Variants in UBE3B observed in about 807,000 individuals in gnomAD.
The protein encoded by UBE3B is ubiquitin-protein ligase E3B.
Under a neutral mutation model 132.3 loss-of-function variants are expected in UBE3B, and 80 were observed. The observed-to-expected ratio is 0.60, with a 90% CI of 0.50 to 0.73. UBE3B has a LOEUF of 0.73. Among genes scored for constraint, UBE3B ranks in the 30% least tolerant of loss-of-function variants. The pLI, the probability that UBE3B is intolerant of heterozygous loss-of-function variation, is 0.00. For synonymous variants in UBE3B, 487 were observed against 520.4 expected (o/e 0.94, Z 0.87); for missense variants, 1,196 against 1,362.5 (o/e 0.88, Z 1.92).
In UBE3B at chr12:109,522,812, C is replaced by T. The variant is rs529998058; in HGVS notation, c.2365-1166C>T. Among the ~76,000 whole-genome samples, 28 of 152,326 alleles carry T rather than the reference C, an allele frequency of 1.8e-4. No homozygotes were observed. The highest frequency in any genetic ancestry group is 5.3e-4 in the African/African-American group (22 of 41,572). On this transcript the variant is annotated intron_variant, in intron 21 of 27. Transcript: ENST00000342494. The surrounding 1 kb of genome is among the most constrained non-coding windows in gnomAD (Gnocchi z 4.2). ...GCCCTCCAGTGATTTGGGTCCTGGG[C>T]CCATTCTCTGTGCCTCTGTTTCCTC... is the stretch of plus-strand genomic sequence containing the variant.
chr12:109,491,124 T>TA lies in UBE3B; in HGVS notation c.711dup (p.Arg238ThrfsTer36). 2 of 1,614,034 alleles carry TA rather than the reference T, an allele frequency of 1.2e-6. No individual in the cohort carries two copies. Among genetic ancestry groups the TA allele is most frequent in the South Asian group, 1.1e-5 (1 of 91,052 alleles). On this transcript the variant is annotated frameshift_variant, in exon 9 of 28. Coordinates refer to ENST00000342494, the MANE Select transcript of UBE3B (RefSeq NM_130466.4). LOFTEE classifies it high-confidence loss of function. ...TTAACAGCAGCTTTTTCTCTAGCGT[T>TA]ACGGTGAGTAAGAAACCATAGCTGA...
the UBE3B span, among the ~76,000 whole-genome samples, chr12:109,546,947 C>T: frequency 4.6e-5 from 7 of 152,022 alleles, no homozygotes; most frequent in Non-Finnish European, 8.8e-5. Context: ...TGGGCTCAAG[C>T]GATCCTCCTG....
chr12:109,505,068 T>C (rs1879497331), intron 14 of UBE3B, among the ~76,000 whole-genome samples: 1 of 152,140 alleles, frequency 6.6e-6, no homozygotes, highest in African/African-American at 2.4e-5. Flanking sequence ...TGAGCTCACA[T>C]TGAAGCTCAT....
In UBE3B at chr12:109,498,222, ATTC is replaced by A. The variant is rs1383409334; in HGVS notation, c.820-8_820-6del. The stretch of plus-strand genomic sequence containing the variant: ...GCAGTTTCTGATTTAACGGTCTGCT[ATTC>A]TTTGCAGCGCCTCACTGTTTTAGAA... On this transcript the variant is annotated splice_polypyrimidine_tract_variant and splice_region_variant and intron_variant, in intron 10 of 27. Transcript: ENST00000342494. 1.2e-6 allele frequency: 2 copies of A among 1,613,804 alleles called. No individual in the cohort carries two copies. The highest frequency in any genetic ancestry group is 1.7e-6 in the Non-Finnish European group (2 of 1,179,864).
rs142757108 is a variant in UBE3B at position 109,483,559 on chromosome 12, C to T, written c.8C>T (p.Thr3Ile). Reference sequence around the variant, plus strand: ...TTGTGCAAGTTTGCAAACATGTTCACCCTGTCTCAGACCTCGAGAGCATGG... The same window carrying T: ...TTGTGCAAGTTTGCAAACATGTTCATCCTGTCTCAGACCTCGAGAGCATGG... MFTLSQTSRAWFI... is the reference protein window; with the variant it reads MFILSQTSRAWFI... Residue 3 changes from threonine (T) to isoleucine (I), a missense_variant, in exon 3 of 28, where the codon ACC (threonine) becomes ATC (isoleucine). By Grantham distance (89) the Thr-to-Ile change is moderately conservative (BLOSUM62 -1). Coordinates refer to ENST00000342494, the MANE Select transcript of UBE3B (RefSeq NM_130466.4). The T allele has an allele frequency of 1.3e-6, 2 of 1,577,608 alleles. No individual in the cohort carries two copies. The highest frequency in any genetic ancestry group is 2.7e-5 in the African/African-American group (2 of 73,126).
At chr12:109,483,820 C>G in intron 3 of UBE3B, 41 bp from the exon 4 acceptor site, 1 of 1,598,038 alleles carries the variant, frequency 6.3e-7, no homozygotes, top group Admixed American at 1.7e-5. Flanking sequence ...GTGCTACAAG[C>G]TGTTAATTTA....
At chr12:109,518,163 C>G (rs1301061143) in intron 19 of UBE3B, 5 of 205,428 alleles carry the variant, frequency 2.4e-5, no homozygotes, top group African/African-American at 1.1e-4. Flanking sequence ...GTTCTTGAAA[C>G]AGCCCTCTTG....
At chr12:109,505,277 C>T (rs977552155) in intron 14 of UBE3B, among the ~76,000 whole-genome samples, 1 of 152,200 alleles carries the variant, frequency 6.6e-6, no homozygotes, top group Non-Finnish European at 1.5e-5. Flanking sequence ...TTGTGCTCCT[C>T]ACACACATCT....
chr12:109,491,102 A>C lies in UBE3B; in HGVS notation c.688A>C (p.Thr230Pro). ...TCCTTGTCTATCCAAAGGCACTTTA[A>C]CAGCAGCTTTTTCTCTAGCGTTACG... is the stretch of plus-strand genomic sequence containing the variant. ...PRPCLSKGTL[T>P]AAFSLALRPV... The change falls in exon 9 of 28, where the codon ACA (threonine) becomes CCA (proline). Residue 230 changes from threonine to proline, a missense_variant. Thr to Pro is a conservative substitution (Grantham distance 38, BLOSUM62 -1). Coordinates refer to ENST00000342494, the MANE Select transcript of UBE3B (RefSeq NM_130466.4). The C allele has an allele frequency of 6.2e-7, 1 of 1,614,112 alleles. No individual in the cohort carries two copies. The highest frequency in any genetic ancestry group is 8.5e-7 in the Non-Finnish European group (1 of 1,179,950).
At chr12:109,514,173 G>A (rs1880712428) in intron 18 of UBE3B, among the ~76,000 whole-genome samples, 1 of 152,160 alleles carries the variant, frequency 6.6e-6, no homozygotes. Flanking sequence ...TCATCCCCTG[G>A]CTGGCCCTTA....
intron 16 of UBE3B, among the ~76,000 whole-genome samples, chr12:109,510,063 G>A (rs1037913642): frequency 3.3e-5 from 5 of 152,152 alleles, no homozygotes; most frequent in Admixed American, 1.3e-4. Context: ...TCCACCTCCC[G>A]AAGTGTCTCC....
chr12:109,532,565 A>G (rs571412671), intron 26 of UBE3B, among the ~76,000 whole-genome samples: 1 of 152,314 alleles, frequency 6.6e-6, no homozygotes, highest in East Asian at 1.9e-4. Context: ...ATTCTTGGCT[A>G]CTGTTGAGTT....
intron 11 of UBE3B, among the ~76,000 whole-genome samples, chr12:109,499,315 A>G (rs562532233): frequency 3.3e-5 from 5 of 152,228 alleles, no homozygotes; most frequent in Non-Finnish European, 7.3e-5. Context: ...CTGTGTGCCT[A>G]ACATTTTACC....
chr12:109,516,167 CTTTTT>C (rs59084691), intron 18 of UBE3B, among the ~76,000 whole-genome samples: 2 of 91,126 alleles, frequency 2.2e-5, no homozygotes, highest in East Asian at 6.3e-4. Context: ...TCTTTTTTTT[CTTTTT>C]TTTTTTTTTT....
At chr12:109,493,369 C>T (rs1446427994) in intron 9 of UBE3B, among the ~76,000 whole-genome samples, 1 of 152,216 alleles carries the variant, frequency 6.6e-6, no homozygotes, top group African/African-American at 2.4e-5. Flanking sequence ...TCTAGGAGCA[C>T]CTCACCTTTC....
chr12:109,490,228 T>C, intron 8 of UBE3B: 1 of 907,568 alleles, frequency 1.1e-6, no homozygotes, highest in Non-Finnish European at 1.7e-6. Flanking sequence ...CTCTACATTT[T>C]TGGCTGCAAG....
chr12:109,500,557 G>A (rs1400275586), intron 12 of UBE3B, among the ~76,000 whole-genome samples: 4 of 152,180 alleles, frequency 2.6e-5, no homozygotes, highest in Admixed American at 2.6e-4. Flanking sequence ...CTAGGGAACA[G>A]CCTGCCCCAG....
chr12:109,523,897 G>A, intron 21 of UBE3B, 81 bp from the exon 22 acceptor site: 9 of 1,585,762 alleles, frequency 5.7e-6, no homozygotes, highest in Non-Finnish European at 7.7e-6. Flanking sequence ...CCTGGGCCAT[G>A]TCTGCACCCT....
At chr12:109,526,663 G>A (rs1183449602) in intron 24 of UBE3B, among the ~76,000 whole-genome samples, 1 of 152,136 alleles carries the variant, frequency 6.6e-6, no homozygotes, top group African/African-American at 2.4e-5. Flanking sequence ...ACGAGGTCAG[G>A]AGTTCGAGAC....
Sources: gnomAD v4.1 joint callset for allele counts (sites outside exome capture counted in the v4.1 genomes callset) on GRCh38, gnomAD v4.1.1 for gene constraint, Gnocchi (gnomAD v3.1) non-coding constraint, MANE v1.5 for transcripts, NCBI Gene and HGNC (gene_info 2026-07-23, HGNC 2026-07-21) for gene names.